Variants in CDH13 observed in about 807,000 individuals in gnomAD.
The protein encoded by CDH13 is cadherin 13.
In CDH13, 24 loss-of-function variants were observed where a neutral mutation model predicts 63.8. The observed-to-expected ratio is 0.38, with a 90% CI of 0.27 to 0.53. The LOEUF (loss-of-function observed/expected upper bound fraction) is 0.53. Ranked by LOEUF, CDH13 falls within the 20% of genes least tolerant of loss-of-function variation. The probability of loss-of-function intolerance (pLI) is 0.85; values close to 1 mark genes in which losing one functional copy is unlikely to be tolerated. For synonymous variants in CDH13, 503 were observed against 355.3 expected (o/e 1.42, Z -4.67); for missense variants, 1,049 against 903.1 (o/e 1.16, Z -2.07).
chr16:83,444,020 GATGGCGATGATC>G (rs995235480), intron 6 of CDH13, among the ~76,000 whole-genome samples: 2 of 150,822 alleles, frequency 1.3e-5, no homozygotes, highest in African/African-American at 2.4e-5. Context: ...TGGTGAAGGT[GATGGCGATGATC>G]ATGGTGATGA....
At chr16:83,647,304 C>G (rs1314033993) in intron 8 of CDH13, among the ~76,000 whole-genome samples, 1 of 139,500 alleles carries the variant, frequency 7.2e-6, no homozygotes, top group East Asian at 2.0e-4. Flanking sequence ...CAGAGTGAGA[C>G]TCTGTCTCAA....
rs1166253503 is a variant in CDH13, at chr16:83,799,856, A to G, written c.*4826A>G. On this transcript the variant is annotated 3_prime_UTR_variant, in exon 14 of 14. Coordinates refer to ENST00000567109, the MANE Select transcript of CDH13 (RefSeq NM_001257.5). Reference sequence around the variant, plus strand: ...ATTCTGCAGTTGTGACCGTGTTCACATGAAAGCATATACAAGACATGGAGA... The same window carrying G: ...ATTCTGCAGTTGTGACCGTGTTCACGTGAAAGCATATACAAGACATGGAGA... The G allele has an allele frequency of 6.6e-6, 1 of 152,250 alleles. No homozygotes were observed. The highest frequency in any genetic ancestry group is 6.5e-5 in the Admixed American group (1 of 15,280). 9.4% of individuals were successfully genotyped at this position (152,250 alleles called of 1,614,324 possible).
intron 8 of CDH13, among the ~76,000 whole-genome samples, chr16:83,643,301 AGAAAAAAAAAAT>A (rs1911480964): frequency 1.6e-5 from 1 of 64,034 alleles, no homozygotes. Flanking sequence ...AAAAAAAAAA[AGAAAAAAAAAAT>A]TTAACAGATC....
intron 4 of CDH13, chr16:83,171,530 T>G (rs2037916188): frequency 6.5e-7 from 1 of 1,534,340 alleles, no homozygotes; most frequent in Non-Finnish European, 8.7e-7. Context: ...AGATGAAGAT[T>G]TGGCAAGTTC....
At chr16:83,384,073 A>T (rs949230528) in intron 6 of CDH13, among the ~76,000 whole-genome samples, 2 of 152,154 alleles carry the variant, frequency 1.3e-5, no homozygotes, top group Non-Finnish European at 2.9e-5. Context: ...CAACTACTGT[A>T]TCTCTCTGCA....
At chr16:82,707,594 AG>A (rs1368790975) in intron 1 of CDH13, among the ~76,000 whole-genome samples, 2 of 152,208 alleles carry the variant, frequency 1.3e-5, no homozygotes, top group Non-Finnish European at 2.9e-5. Flanking sequence ...CATAGCACTC[AG>A]GGGTGCAGAG....
chr16:83,692,808 G>A (rs1310714040), intron 10 of CDH13, among the ~76,000 whole-genome samples: 1 of 152,166 alleles, frequency 6.6e-6, no homozygotes, highest in Admixed American at 6.5e-5. Flanking sequence ...AGCCGGCTGG[G>A]CACGGTGGCT....
chr16:82,932,283 A>T (rs2042522115), intron 2 of CDH13, among the ~76,000 whole-genome samples: 1 of 152,190 alleles, frequency 6.6e-6, no homozygotes, highest in Non-Finnish European at 1.5e-5. Context: ...ATTCAAATGT[A>T]GCTGGGCACC....
intron 2 of CDH13, among the ~76,000 whole-genome samples, chr16:82,890,225 G>A (rs942868958): frequency 6.6e-6 from 1 of 152,164 alleles, no homozygotes; most frequent in Non-Finnish European, 1.5e-5. Flanking sequence ...AATGACCTGA[G>A]AGCCTGTCCC....
At chr16:82,945,657 A>T (rs1904631487) in intron 2 of CDH13, among the ~76,000 whole-genome samples, 3 of 152,152 alleles carry the variant, frequency 2.0e-5, no homozygotes, top group Non-Finnish European at 2.9e-5. Context: ...CCGCAGGATG[A>T]TAAACTCCCT....
intron 1 of CDH13, chr16:82,639,244 C>G (rs931376475): frequency 3.5e-6 from 2 of 568,496 alleles, no homozygotes; most frequent in Admixed American, 3.2e-5. Flanking sequence ...TTCCTAGTCT[C>G]TCAAAGTGGG....
chr16:83,033,159 A>G (rs991013805), intron 3 of CDH13, among the ~76,000 whole-genome samples: 3 of 152,196 alleles, frequency 2.0e-5, no homozygotes, highest in African/African-American at 7.2e-5. Context: ...TCCACATTTA[A>G]TATATCAAAG....
chr16:83,335,838 T>C (rs935306734), intron 5 of CDH13, among the ~76,000 whole-genome samples: 2 of 151,890 alleles, frequency 1.3e-5, no homozygotes, highest in African/African-American at 4.8e-5. Flanking sequence ...CCCCTTAGAG[T>C]TGTGAGCCCT....
rs181972351 is a variant in CDH13, at chr16:83,493,306, G to A, written c.960+6651G>A. Among the ~76,000 whole-genome samples, 5 of 152,310 alleles carry A rather than the reference G, an allele frequency of 3.3e-5. No homozygotes were observed. In the East Asian group the frequency reaches 9.7e-4, roughly 29 times the overall value. ...ACTTTGCCCACACGGCAGAGACTAT[G>A]GCAAGTTTCTTTAAATTGAATGAAA... On this transcript the variant is annotated intron_variant, in intron 7 of 13. Transcript: ENST00000567109.
intron 2 of CDH13, among the ~76,000 whole-genome samples, chr16:82,873,778 G>T (rs774071854): frequency 1.3e-4 from 20 of 152,150 alleles, no homozygotes; most frequent in Non-Finnish European, 1.9e-4. Flanking sequence ...TGAATGGGTA[G>T]TGCTGGATGC....
chr16:83,158,168 C>A (rs1416889690), intron 4 of CDH13, among the ~76,000 whole-genome samples: 1 of 152,128 alleles, frequency 6.6e-6, no homozygotes, highest in South Asian at 2.1e-4. Flanking sequence ...TACTCCCACT[C>A]CCCCCGGACA....
intron 1 of CDH13, among the ~76,000 whole-genome samples, chr16:82,794,937 G>T (rs1597608702): frequency 6.6e-6 from 1 of 152,298 alleles, no homozygotes; most frequent in East Asian, 1.9e-4. Flanking sequence ...ATGGCTGTGG[G>T]TTGGTCTACG....
At chr16:83,361,865 C>T (rs1434471468) in intron 6 of CDH13, among the ~76,000 whole-genome samples, 1 of 152,084 alleles carries the variant, frequency 6.6e-6, no homozygotes, top group Non-Finnish European at 1.5e-5. Flanking sequence ...AATGTGATGC[C>T]TCTGGCTTTG....
intron 6 of CDH13, among the ~76,000 whole-genome samples, chr16:83,421,047 C>G (rs1286876138): frequency 6.6e-6 from 1 of 152,128 alleles, no homozygotes; most frequent in Non-Finnish European, 1.5e-5. Context: ...CTCTCCCTGT[C>G]CACAGTAAAA....
Sources: gnomAD v4.1 joint callset for allele counts (sites outside exome capture counted in the v4.1 genomes callset) on GRCh38, gnomAD v4.1.1 for gene constraint, MANE v1.5 for transcripts, NCBI Gene and HGNC (gene_info 2026-07-23, HGNC 2026-07-21) for gene names.